CSNK2A2IP: variants seen among roughly 807,000 people sequenced by gnomAD.
The protein encoded by CSNK2A2IP is casein kinase II subunit alpha'-interacting protein.
At chr3:88,434,567 AG>A in the CSNK2A2IP span, among the ~76,000 whole-genome samples, 16 of 152,176 alleles carry the variant, frequency 1.1e-4, no homozygotes, top group African/African-American at 3.9e-4. Flanking sequence ...GCCTCGACCA[AG>A]CATCTTCTCT....
the CSNK2A2IP span, among the ~76,000 whole-genome samples, chr3:88,399,337 TA>T: frequency 6.6e-6 from 1 of 152,164 alleles, no homozygotes; most frequent in African/African-American, 2.4e-5. Context: ...ATCTACCTTC[TA>T]AAAAATATAT....
chr3:88,440,652 T>G, the CSNK2A2IP span, among the ~76,000 whole-genome samples: 5 of 152,198 alleles, frequency 3.3e-5, no homozygotes, highest in Non-Finnish European at 5.9e-5. Context: ...TTCATCCAAA[T>G]TAAACGTTGG....
the CSNK2A2IP span, among the ~76,000 whole-genome samples, chr3:88,382,134 T>C: frequency 6.6e-6 from 1 of 152,214 alleles, no homozygotes; most frequent in Admixed American, 6.5e-5. Flanking sequence ...ATCTAACTTG[T>C]TCAGTTAGCC....
chr3:88,423,676 C>T, the CSNK2A2IP span, among the ~76,000 whole-genome samples: 1 of 152,128 alleles, frequency 6.6e-6, no homozygotes, highest in Admixed American at 6.6e-5. Flanking sequence ...CCACTCTTAC[C>T]TTGCACTCGT....
At chr3:88,410,809 T>C in the CSNK2A2IP span, among the ~76,000 whole-genome samples, 2 of 152,134 alleles carry the variant, frequency 1.3e-5, no homozygotes, top group Admixed American at 6.5e-5. Flanking sequence ...ATTCTGATGA[T>C]AAAAACTTGA....
At chr3:88,360,819 G>A in the CSNK2A2IP span, among the ~76,000 whole-genome samples, 2 of 50,248 alleles carry the variant, frequency 4.0e-5, no homozygotes, top group African/African-American at 9.1e-5. Flanking sequence ...TAATTTTTTG[G>A]TTTTTTTTAT....
chr3:88,420,340 G>A, the CSNK2A2IP span, among the ~76,000 whole-genome samples: 426 of 152,182 alleles, frequency 2.8e-3, 8 homozygotes, highest in Admixed American at 0.025. Flanking sequence ...CTTGCATCTG[G>A]CTAGTACTTG....
At chr3:88,437,813 C>G in the CSNK2A2IP span, among the ~76,000 whole-genome samples, 1 of 152,154 alleles carries the variant, frequency 6.6e-6, no homozygotes, top group Non-Finnish European at 1.5e-5. Context: ...CTCTGCTTTT[C>G]CATTCCTACT....
the CSNK2A2IP span, among the ~76,000 whole-genome samples, chr3:88,401,565 G>T: frequency 2.0e-5 from 3 of 152,058 alleles, no homozygotes; most frequent in Non-Finnish European, 4.4e-5. Context: ...TACTACCATG[G>T]AAATATGAAT....
chr3:88,361,538 T>C, the CSNK2A2IP span, among the ~76,000 whole-genome samples: 1 of 152,204 alleles, frequency 6.6e-6, no homozygotes, highest in African/African-American at 2.4e-5. Context: ...TTGCTGCTTT[T>C]AAAATATTTT....
the CSNK2A2IP span, chr3:88,464,943 T>C: frequency 5.1e-3 from 790 of 156,366 alleles, 9 homozygotes; most frequent in African/African-American, 0.018. Context: ...AAGATATGCA[T>C]AGTGATGCAC....
the CSNK2A2IP span, among the ~76,000 whole-genome samples, chr3:88,445,275 C>CAAAAAAAAAAAAAAAAAAAAAAAAAAA: frequency 1.0e-4 from 5 of 47,772 alleles, 1 homozygote; most frequent in East Asian, 7.8e-4. Flanking sequence ...GTAAAAATAC[C>CAAAAAAAAAAAAAAAAAAAAAAAAAAA]AAAAAAAAAA....
the CSNK2A2IP span, among the ~76,000 whole-genome samples, chr3:88,418,724 G>C: frequency 0.026 from 3,880 of 152,146 alleles, 78 homozygotes; most frequent in Non-Finnish European, 0.038. Context: ...CATGTTGTGG[G>C]TTTTGGTGTA....
the CSNK2A2IP span, among the ~76,000 whole-genome samples, chr3:88,423,502 TG>T: frequency 6.6e-6 from 1 of 152,062 alleles, no homozygotes; most frequent in African/African-American, 2.4e-5. Flanking sequence ...GAGCTATGTC[TG>T]GGAGAGAGGA....
the CSNK2A2IP span, among the ~76,000 whole-genome samples, chr3:88,448,277 C>G: frequency 0.014 from 2,077 of 152,252 alleles, 40 homozygotes; most frequent in African/African-American, 0.048. Flanking sequence ...AACAAAGAGG[C>G]TTTATTGGCA....
the CSNK2A2IP span, among the ~76,000 whole-genome samples, chr3:88,375,097 C>T: frequency 6.6e-6 from 1 of 151,712 alleles, no homozygotes; most frequent in African/African-American, 2.4e-5. Flanking sequence ...TTCTAGTATT[C>T]TCAGAAGGAT....
the CSNK2A2IP span, among the ~76,000 whole-genome samples, chr3:88,343,999 A>G: frequency 1.3e-5 from 2 of 151,996 alleles, no homozygotes; most frequent in African/African-American, 2.4e-5. Flanking sequence ...GACACCTATC[A>G]TTTAAATAAG....
the CSNK2A2IP span, among the ~76,000 whole-genome samples, chr3:88,343,479 G>T: frequency 6.6e-6 from 1 of 151,856 alleles, no homozygotes. Context: ...ATTACTAGGC[G>T]TGGTTATGAG....
chr3:88,380,687 T>C, the CSNK2A2IP span, among the ~76,000 whole-genome samples: 1 of 151,766 alleles, frequency 6.6e-6, no homozygotes, highest in African/African-American at 2.4e-5. Context: ...CAGAGTAAAG[T>C]AGAATACTGA....
Sources: gnomAD v4.1 joint callset for allele counts (sites outside exome capture counted in the v4.1 genomes callset) on GRCh38, gnomAD v4.1.1 for gene constraint, MANE v1.5 for transcripts, NCBI Gene and HGNC (gene_info 2026-07-23, HGNC 2026-07-21) for gene names.